The following ERC1 variants were observed in gnomAD, a reference collection of about 807,000 sequenced individuals.
ERC1 encodes the protein ELKS/RAB6-interacting/CAST family member 1.
In ERC1, 56 loss-of-function variants were observed where a neutral mutation model predicts 132.0. The observed-to-expected ratio is 0.42, with a 90% CI of 0.34 to 0.53. The LOEUF (loss-of-function observed/expected upper bound fraction) is 0.53, where lower values mean the gene tolerates loss of function less well. ERC1 is among the 20% of genes least tolerant of loss of function. The pLI is 0.03. For synonymous variants in ERC1, 478 were observed against 476.1 expected, an observed-to-expected ratio of 1.00 and a Z score of -0.05; for missense variants, 1,202 against 1,349.9, an observed-to-expected ratio of 0.89 and a Z score of 1.72.
At chr12:1,286,569 G>A (rs997226530) in intron 14 of ERC1, among the ~76,000 whole-genome samples, 5 of 152,030 alleles carry the variant, frequency 3.3e-5, no homozygotes, top group African/African-American at 1.2e-4. Flanking sequence ...TCTGTACAGC[G>A]TTGTAGTAGT....
chr12:1,293,260 C>T (rs989285592), intron 15 of ERC1, among the ~76,000 whole-genome samples: 1 of 151,208 alleles, frequency 6.6e-6, no homozygotes, highest in Admixed American at 6.6e-5. Context: ...TGAGACCATC[C>T]TGGCTAACAC....
intron 13 of ERC1, among the ~76,000 whole-genome samples, chr12:1,248,868 A>G (rs1363884469): frequency 6.6e-6 from 1 of 151,962 alleles, no homozygotes; most frequent in Non-Finnish European, 1.5e-5. Flanking sequence ...AATTGAGGAG[A>G]GAGGTTTTTA....
chr12:1,122,571 G>T (rs58695975), intron 7 of ERC1, among the ~76,000 whole-genome samples: 9 of 4,116 alleles, frequency 2.2e-3, no homozygotes, highest in Admixed American at 4.4e-3. Flanking sequence ...CTCTATCTGT[G>T]TCTCTATCTC....
At chr12:1,484,738 C>T (rs575683975) in intron 18 of ERC1, among the ~76,000 whole-genome samples, 12 of 151,846 alleles carry the variant, frequency 7.9e-5, no homozygotes, top group East Asian at 7.8e-4. Context: ...CCACCATGCC[C>T]GGCTAATTTT....
chr12:1,300,364 C>G (rs994561737), intron 15 of ERC1, among the ~76,000 whole-genome samples: 14 of 152,004 alleles, frequency 9.2e-5, no homozygotes, highest in African/African-American at 2.9e-4. Context: ...TATAAAAACC[C>G]TGGAAGACAA....
At chr12:1,290,544 G>A (rs1237312069) in intron 15 of ERC1, among the ~76,000 whole-genome samples, 1 of 152,118 alleles carries the variant, frequency 6.6e-6, no homozygotes, top group Non-Finnish European at 1.5e-5. Flanking sequence ...CCCACATTTT[G>A]TAGGTTGCTG....
At chr12:1,481,059 C>T (rs1023079240) in intron 18 of ERC1, among the ~76,000 whole-genome samples, 1 of 152,114 alleles carries the variant, frequency 6.6e-6, no homozygotes, top group African/African-American at 2.4e-5. Flanking sequence ...AAATTAGGCA[C>T]AGTAAGAGAT....
intron 8 of ERC1, among the ~76,000 whole-genome samples, chr12:1,169,737 C>T (rs1411525419): frequency 1.3e-5 from 2 of 152,152 alleles, no homozygotes; most frequent in African/African-American, 4.8e-5. Flanking sequence ...CATCATATTT[C>T]CTTCACACCT....
chr12:1,022,520 CTGT>C (rs1966531462), intron 1 of ERC1, among the ~76,000 whole-genome samples: 1 of 152,164 alleles, frequency 6.6e-6, no homozygotes, highest in Admixed American at 6.5e-5. Flanking sequence ...TGACTGGGGA[CTGT>C]TACCGTTTGG....
chr12:1,438,952 A>ATATATATATATATATATATATATATAT (rs1555093159), intron 17 of ERC1, among the ~76,000 whole-genome samples: 12 of 114,994 alleles, frequency 1.0e-4, no homozygotes, highest in African/African-American at 4.5e-4. Context: ...AATTTAAAAA[A>ATATATATATATATATATATATATATAT]AAATATATAT....
intron 7 of ERC1, among the ~76,000 whole-genome samples, chr12:1,131,584 C>G (rs1948765373): frequency 6.6e-6 from 1 of 151,966 alleles, no homozygotes; most frequent in Non-Finnish European, 1.5e-5. Context: ...GCCTTAGCCT[C>G]CCGAGTAGCT....
chr12:1,366,500 A>G (rs1194119611), intron 15 of ERC1, among the ~76,000 whole-genome samples: 3 of 152,236 alleles, frequency 2.0e-5, no homozygotes, highest in Non-Finnish European at 4.4e-5. Context: ...AGAGGACATA[A>G]CATAAACCTA....
intron 14 of ERC1, among the ~76,000 whole-genome samples, chr12:1,289,608 G>T (rs769534989): frequency 3.3e-5 from 5 of 152,092 alleles, no homozygotes; most frequent in Non-Finnish European, 5.9e-5. Context: ...TAACTTGTAT[G>T]CCCTTGCATG....
At chr12:1,418,565 TTTTC>T (rs201550576) in intron 17 of ERC1, among the ~76,000 whole-genome samples, 1,512 of 145,242 alleles carry the variant, frequency 0.01, 32 homozygotes, top group African/African-American at 0.035. Context: ...GAAGTCTTCA[TTTTC>T]TTTCTTTCTT....
At chr12:1,458,080 G>A (rs73599912) in intron 18 of ERC1, among the ~76,000 whole-genome samples, 2,532 of 152,292 alleles carry the variant, frequency 0.017, 67 homozygotes, top group African/African-American at 0.058. Context: ...AGTGGAGCTG[G>A]TCCTCAGGAT....
chr12:1,389,923 A>G (rs1415564314), intron 16 of ERC1, among the ~76,000 whole-genome samples: 1 of 152,216 alleles, frequency 6.6e-6, no homozygotes, highest in Admixed American at 6.5e-5. Context: ...CAACAACAAA[A>G]AAACCCTTGA....
intron 12 of ERC1, among the ~76,000 whole-genome samples, chr12:1,211,847 G>A (rs149680495): frequency 1.1e-3 from 172 of 152,226 alleles, no homozygotes; most frequent in African/African-American, 3.9e-3. Flanking sequence ...TGGGATTACA[G>A]GTGTGAGCCT....
intron 8 of ERC1, among the ~76,000 whole-genome samples, chr12:1,154,618 G>A (rs965176447): frequency 1.3e-5 from 2 of 151,636 alleles, no homozygotes; most frequent in Non-Finnish European, 2.9e-5. Flanking sequence ...ATAATCAAAA[G>A]AGTAAATAGA....
chr12:1,010,226 A>G (rs1411197582), intron 1 of ERC1, among the ~76,000 whole-genome samples: 1 of 152,166 alleles, frequency 6.6e-6, no homozygotes, highest in Non-Finnish European at 1.5e-5. Context: ...CATGCCTGTA[A>G]TCCCAGCAAT....
Sources: allele counts gnomAD v4.1 joint callset (sites outside exome capture counted in the v4.1 genomes callset), GRCh38; gene constraint gnomAD v4.1.1; transcripts MANE v1.5; gene names NCBI Gene and HGNC (gene_info 2026-07-23, HGNC 2026-07-21).